UNC13C: variants seen among roughly 807,000 people sequenced by gnomAD.
UNC13C encodes the protein unc-13 homolog C, also known as protein unc-13 homolog C.
In UNC13C, 174 loss-of-function variants were observed where a neutral mutation model predicts 245.4. The ratio of observed to expected loss-of-function variants is 0.71; its 90% CI spans 0.63 to 0.80. UNC13C has a LOEUF of 0.80. UNC13C is among the 30% of genes least tolerant of loss of function. The probability of loss-of-function intolerance (pLI) is 0.00; values close to 1 mark genes in which losing one functional copy is unlikely to be tolerated. For synonymous variants in UNC13C, 992 were observed against 895.1 expected, an observed-to-expected ratio of 1.11 and a Z score of -1.93; for missense variants, 2,829 against 2,602.9, an observed-to-expected ratio of 1.09 and a Z score of -1.89.
intron 4 of UNC13C, among the ~76,000 whole-genome samples, chr15:54,230,596 T>G (rs554830245): frequency 1.3e-5 from 2 of 152,166 alleles, no homozygotes; most frequent in African/African-American, 4.8e-5. Flanking sequence ...ACAAGACAAT[T>G]AACTGAACCT....
chr15:54,470,560 C>T (rs1892404733), intron 19 of UNC13C, among the ~76,000 whole-genome samples: 1 of 151,148 alleles, frequency 6.6e-6, no homozygotes, highest in East Asian at 1.9e-4. Flanking sequence ...TCTTATGATC[C>T]TTTGTACTTT....
At chr15:54,514,706 T>C (rs7176858) in intron 24 of UNC13C, among the ~76,000 whole-genome samples, 11,410 of 151,828 alleles carry the variant, frequency 0.075, 877 homozygotes, top group African/African-American at 0.2. Context: ...CTGTTTTTTC[T>C]TCACAGAATC....
rs542814634 is a variant in UNC13C at position 54,300,140 on chromosome 15, GA to G, written c.4105-68del. ...ATGACAGTGCAAGAGCATTTTACTG[GA>G]AGTTTTAGTTAAATGTTTCTGGCCT... is the stretch of plus-strand genomic sequence containing the variant. On this transcript the variant is annotated intron_variant, in intron 12 of 32. Transcript: ENST00000260323. 6 of 1,431,236 alleles carry G rather than the reference GA, an allele frequency of 4.2e-6. No individual in the cohort carries two copies. In the South Asian group the frequency reaches 8.1e-5, roughly 19 times the overall value. The allele number at this position is 1,431,236 out of a possible 1,614,324, so 88.7% of individuals were successfully genotyped here. A position where few individuals can be genotyped will look rare whatever the true frequency, so the allele number is the denominator to read the frequency against.
intron 4 of UNC13C, among the ~76,000 whole-genome samples, chr15:54,222,952 C>G (rs2035271132): frequency 6.6e-6 from 1 of 151,720 alleles, no homozygotes; most frequent in Non-Finnish European, 1.5e-5. Flanking sequence ...AGATTTTTTT[C>G]TATAGAGTTG....
At chr15:54,295,794 T>C (rs1407716528) in intron 11 of UNC13C, among the ~76,000 whole-genome samples, 1 of 152,152 alleles carries the variant, frequency 6.6e-6, no homozygotes, top group Non-Finnish European at 1.5e-5. Context: ...CTTCAGTCTA[T>C]GAGATGAAAA....
intron 10 of UNC13C, among the ~76,000 whole-genome samples, chr15:54,267,431 T>C (rs1261836284): frequency 2.0e-5 from 3 of 152,112 alleles, no homozygotes; most frequent in African/African-American, 7.2e-5. Context: ...CTTGATTAAC[T>C]ATGGTATTAG....
chr15:54,051,640 A>G (rs1897269870), intron 2 of UNC13C, among the ~76,000 whole-genome samples: 1 of 150,438 alleles, frequency 6.6e-6, no homozygotes, highest in Admixed American at 6.6e-5. Flanking sequence ...TACAGACTTT[A>G]TTTATTTATT....
chr15:54,238,481 G>A (rs1057436361), intron 7 of UNC13C, among the ~76,000 whole-genome samples: 1 of 152,100 alleles, frequency 6.6e-6, no homozygotes, highest in Non-Finnish European at 1.5e-5. Flanking sequence ...ATATCCCACA[G>A]GTTATGTTAC....
chr15:54,360,772 T>A (rs1284278719), intron 17 of UNC13C, among the ~76,000 whole-genome samples: 1 of 152,110 alleles, frequency 6.6e-6, no homozygotes, highest in African/African-American at 2.4e-5. Context: ...TTGGGTTTTT[T>A]ATTTTTCCCA....
In UNC13C at chr15:54,297,980, G is replaced by A. The variant is rs948908494; in HGVS notation, c.4104+54G>A. The A allele has an allele frequency of 9.0e-6, 11 of 1,219,200 alleles. No homozygotes were observed. In the African/African-American group the frequency reaches 1.5e-4, roughly 17 times the overall value. The allele number at this position is 1,219,200 out of a possible 1,614,324, so 75.5% of individuals were successfully genotyped here. ...AATATAAGAAATGTTCTTGATTATG[G>A]ATTATAAAACAGAATATTTGGTTTA... is the stretch of plus-strand genomic sequence containing the variant. On this transcript the variant is annotated intron_variant, in intron 12 of 32. Transcript: ENST00000260323.
At chr15:54,282,309 A>T (rs2037018599) in intron 10 of UNC13C, among the ~76,000 whole-genome samples, 2 of 152,156 alleles carry the variant, frequency 1.3e-5, no homozygotes, top group South Asian at 4.1e-4. Context: ...ATATGTATAT[A>T]TGTGTAATTA....
chr15:54,287,732 G>A (rs1333732983), intron 10 of UNC13C, among the ~76,000 whole-genome samples: 1 of 152,130 alleles, frequency 6.6e-6, no homozygotes, highest in African/African-American at 2.4e-5. Context: ...TGCAGGAGAG[G>A]TTGGGAAATT....
intron 18 of UNC13C, among the ~76,000 whole-genome samples, chr15:54,399,433 C>A (rs1438021269): frequency 6.6e-6 from 1 of 151,790 alleles, no homozygotes; most frequent in Non-Finnish European, 1.5e-5. Flanking sequence ...TTTACTTAAA[C>A]TGTCATGACT....
chr15:54,179,207 TTA>T (rs1158995253), intron 4 of UNC13C, among the ~76,000 whole-genome samples: 1 of 152,110 alleles, frequency 6.6e-6, no homozygotes, highest in Non-Finnish European at 1.5e-5. Flanking sequence ...ACCAGATCCT[TTA>T]TGTTTCCTTA....
chr15:53,928,077 C>T, the UNC13C span, among the ~76,000 whole-genome samples: 4 of 151,982 alleles, frequency 2.6e-5, no homozygotes, highest in African/African-American at 7.3e-5. Context: ...CCAGCTCAGT[C>T]GGGGAGACCC....
At chr15:54,363,454 G>A (rs1413102311) in intron 17 of UNC13C, among the ~76,000 whole-genome samples, 1 of 152,154 alleles carries the variant, frequency 6.6e-6, no homozygotes, top group Non-Finnish European at 1.5e-5. Flanking sequence ...CAAGTCATTT[G>A]ATACTAGTAT....
chr15:53,926,362 T>A, the UNC13C span, among the ~76,000 whole-genome samples: 1 of 152,336 alleles, frequency 6.6e-6, no homozygotes, highest in Non-Finnish European at 1.5e-5. Context: ...ACCTCAGTTC[T>A]CTCACATGTG....
At chr15:54,623,677 T>G in intron 31 of UNC13C, 118 bp from the exon 32 acceptor site, 2 of 858,484 alleles carry the variant, frequency 2.3e-6, no homozygotes, top group Non-Finnish European at 3.6e-6. Context: ...GAGTACAGTG[T>G]CTTGTCAGTG....
chr15:54,419,930 G>A (rs894340329), intron 19 of UNC13C, among the ~76,000 whole-genome samples: 7 of 151,980 alleles, frequency 4.6e-5, no homozygotes, highest in African/African-American at 1.4e-4. Context: ...CTTATATGAG[G>A]CCTCAGGAGA....
Sources: allele counts gnomAD v4.1 joint callset (sites outside exome capture counted in the v4.1 genomes callset), GRCh38; gene constraint gnomAD v4.1.1; transcripts MANE v1.5; gene names NCBI Gene and HGNC (gene_info 2026-07-23, HGNC 2026-07-21).